Variants in DMD observed in about 807,000 individuals in gnomAD.
The protein encoded by DMD is mutant dystrophin.
DMD carries 63 observed loss-of-function variants against 330.1 expected under a neutral mutation model. The ratio of observed to expected loss-of-function variants is 0.19; its 90% confidence interval spans 0.16 to 0.24. DMD has a LOEUF of 0.24. DMD is among the 10% of genes least tolerant of loss of function. The pLI, the probability that DMD is intolerant of heterozygous loss-of-function variation, is 1.00. For missense variants in DMD, 3,344 were observed against 2,684.1 expected, an observed-to-expected ratio of 1.25 and a Z score of -5.43; for synonymous variants, 1,223 against 959.8, an observed-to-expected ratio of 1.27 and a Z score of -5.07.
At chrX:32,528,443 TA>T (rs2047127613) in intron 17 of DMD, among the ~76,000 whole-genome samples, 1 of 112,323 alleles carries the variant, frequency 8.9e-6, no homozygotes, top group Non-Finnish European at 1.9e-5. Flanking sequence ...CTTCTTGCTT[TA>T]AATTGTAAAA....
At chrX:32,224,708 T>C (rs2097141834) in intron 43 of DMD, among the ~76,000 whole-genome samples, 1 of 112,013 alleles carries the variant, frequency 8.9e-6, no homozygotes, top group Non-Finnish European at 1.9e-5. Context: ...ATTGACATTA[T>C]ACTTTGTAAC....
intron 1 of DMD, among the ~76,000 whole-genome samples, chrX:33,188,988 A>G (rs2050395503): frequency 9.0e-6 from 1 of 111,691 alleles, no homozygotes; most frequent in Non-Finnish European, 1.9e-5. Context: ...CTGTGGAGAA[A>G]ATAAATTTCT....
intron 54 of DMD, among the ~76,000 whole-genome samples, chrX:31,645,198 A>G (rs2080012282): frequency 8.9e-6 from 1 of 111,821 alleles, no homozygotes; most frequent in Non-Finnish European, 1.9e-5. Context: ...GCTAAAATAG[A>G]GACTTTATTA....
At chrX:32,212,515 A>T (rs1047271540) in intron 44 of DMD, among the ~76,000 whole-genome samples, 2 of 111,924 alleles carry the variant, frequency 1.8e-5, no homozygotes, top group African/African-American at 6.5e-5. Flanking sequence ...AAGAATTAAG[A>T]TATTTTCACA....
At chrX:32,850,125 G>C (rs904045763) in intron 2 of DMD, among the ~76,000 whole-genome samples, 1 of 111,725 alleles carries the variant, frequency 9.0e-6, no homozygotes, top group African/African-American at 3.3e-5. Flanking sequence ...ATACAGGCAT[G>C]ATCAAGGCAG....
chrX:33,160,894 T>G lies in DMD; in HGVS notation c.31+50388A>C, dbSNP rs1273833383. Among the ~76,000 whole-genome samples, 13 of 111,596 alleles carry G rather than the reference T, an allele frequency of 1.2e-4. No homozygotes were observed. The Admixed American group carries it at 1.2e-3, about 11-fold the overall frequency. On this transcript the variant is annotated intron_variant, in intron 1 of 78. Coordinates refer to ENST00000357033, the MANE Select transcript of DMD (RefSeq NM_004006.3). ...CAAAATTTAAAGACAAAACTAAGGATTTTTAAACCTTTAATCTTATTTAAA... is the reference window on the plus strand; with the variant it reads ...CAAAATTTAAAGACAAAACTAAGGAGTTTTAAACCTTTAATCTTATTTAAA...
intron 37 of DMD, among the ~76,000 whole-genome samples, chrX:32,350,191 G>A (rs2097776727): frequency 9.0e-6 from 1 of 110,928 alleles, no homozygotes; most frequent in South Asian, 3.7e-4. Context: ...TATTCCAACT[G>A]CTTCTTCTCT....
At chrX:32,905,602 T>A (rs1467007672) in intron 2 of DMD, among the ~76,000 whole-genome samples, 1 of 111,571 alleles carries the variant, frequency 9.0e-6, no homozygotes, top group Non-Finnish European at 1.9e-5. Context: ...TACATTTAAT[T>A]GTTTGTTAGC....
intron 29 of DMD, among the ~76,000 whole-genome samples, chrX:32,433,557 A>C (rs2148145340): frequency 8.9e-6 from 1 of 111,770 alleles, no homozygotes; most frequent in Admixed American, 9.5e-5. Context: ...ATGTGCCAGT[A>C]ATCCCAGCTA....
intron 1 of DMD, among the ~76,000 whole-genome samples, chrX:33,160,791 T>A (rs765332834): frequency 9.6e-4 from 107 of 111,631 alleles, no homozygotes; most frequent in African/African-American, 3.2e-3. Context: ...CAGATGATAA[T>A]CTTGGTCTTG....
At chrX:32,783,379 T>C (rs751973378) in intron 7 of DMD, among the ~76,000 whole-genome samples, 89 of 104,435 alleles carry the variant, frequency 8.5e-4, no homozygotes, top group African/African-American at 2.8e-3. Flanking sequence ...TATATACACA[T>C]ATATACCATA....
At chrX:32,774,923 T>A (rs982335250) in intron 7 of DMD, among the ~76,000 whole-genome samples, 7 of 112,198 alleles carry the variant, frequency 6.2e-5, no homozygotes, top group African/African-American at 2.3e-4. Flanking sequence ...AGGCAAGTTC[T>A]CTCTGCCTAC....
chrX:31,295,639 T>G (rs1359346061), intron 62 of DMD, among the ~76,000 whole-genome samples: 1 of 111,920 alleles, frequency 8.9e-6, no homozygotes, highest in Non-Finnish European at 1.9e-5. Context: ...GGTCTCGAAC[T>G]CCTGACATCA....
chrX:32,235,447 G>A (rs750132884), intron 43 of DMD, among the ~76,000 whole-genome samples: 1 of 111,365 alleles, frequency 9.0e-6, no homozygotes, highest in East Asian at 2.9e-4. Context: ...TTTGCGAATC[G>A]GGTCCCTAAC....
At chrX:31,308,512 A>T (rs1032441197) in intron 62 of DMD, among the ~76,000 whole-genome samples, 4 of 111,844 alleles carry the variant, frequency 3.6e-5, no homozygotes, top group Non-Finnish European at 5.6e-5. Flanking sequence ...CAGTGGGGCT[A>T]TCTAGAATTT....
chrX:32,686,106 T>G (rs1280971814), intron 9 of DMD, among the ~76,000 whole-genome samples: 1 of 111,996 alleles, frequency 8.9e-6, no homozygotes. Context: ...TCTACAAGTT[T>G]GGTAACAAGT....
chrX:31,476,397 G>GTGTATATATATATATATA (rs796082098), intron 59 of DMD, among the ~76,000 whole-genome samples: 11 of 88,330 alleles, frequency 1.2e-4, no homozygotes, highest in Admixed American at 3.9e-4. Context: ...GTGTGTGTGT[G>GTGTATATATATATATATA]TATATATATA....
chrX:31,302,976 G>C (rs1233621788), intron 62 of DMD, among the ~76,000 whole-genome samples: 1 of 111,490 alleles, frequency 9.0e-6, no homozygotes, highest in African/African-American at 3.3e-5. Flanking sequence ...CTAATGCTCA[G>C]AATTAACATT....
At chrX:32,079,590 G>A (rs887574956) in intron 44 of DMD, among the ~76,000 whole-genome samples, 17 of 106,662 alleles carry the variant, frequency 1.6e-4, no homozygotes, top group African/African-American at 4.8e-4. Flanking sequence ...GCAAGACTCC[G>A]AAAGGCAGAA....
Sources: gnomAD v4.1 joint callset for allele counts (sites outside exome capture counted in the v4.1 genomes callset) on GRCh38, gnomAD v4.1.1 for gene constraint, MANE v1.5 for transcripts, NCBI Gene and HGNC (gene_info 2026-07-23, HGNC 2026-07-21) for gene names.